SLC39A12: variants seen among roughly 807,000 people sequenced by gnomAD.
SLC39A12 encodes the protein solute carrier family 39 member 12.
A neutral mutation model predicts 71.1 loss-of-function variants in SLC39A12; 63 were observed. That is an observed-to-expected ratio of 0.89 (90% confidence interval 0.72 to 1.09). The LOEUF (loss-of-function observed/expected upper bound fraction) is 1.09. Ranked by LOEUF, SLC39A12 falls within the 50% of genes least tolerant of loss-of-function variation. The probability of loss-of-function intolerance (pLI) is 0.00; values close to 1 mark genes in which losing one functional copy is unlikely to be tolerated. For missense variants in SLC39A12, 892 were observed against 812.6 expected, an observed-to-expected ratio of 1.10 and a Z score of -1.19; for synonymous variants, 351 against 301.3, an observed-to-expected ratio of 1.16 and a Z score of -1.71.
intron 9 of SLC39A12, 116 bp from the exon 10 acceptor site, chr10:17,995,540 C>A: frequency 1.2e-6 from 1 of 845,754 alleles, no homozygotes; most frequent in Non-Finnish European, 1.9e-6. Flanking sequence ...TTCTAATATA[C>A]ATCTAGAGTA....
In SLC39A12 at chr10:18,037,534, G is replaced by A. The variant is rs563585920; in HGVS notation, c.1948-5171G>A. 3.9e-5 allele frequency among the ~76,000 whole-genome samples: 6 copies of A among 152,266 alleles called. No homozygotes were observed. In the South Asian group the frequency reaches 1.2e-3, roughly 32 times the overall value. ...GTGGGTGAGCTGTTATCCTCTCTGA[G>A]CTAATGTTTCTTCAAAACTGAAAGG... On this transcript the variant is annotated intron_variant, in intron 12 of 12. Transcript: ENST00000377369.
intron 4 of SLC39A12, among the ~76,000 whole-genome samples, chr10:17,975,765 T>C (rs1835092889): frequency 6.6e-6 from 1 of 152,186 alleles, no homozygotes; most frequent in African/African-American, 2.4e-5. Context: ...CCTTGTGGCC[T>C]AGACTGCCTT....
Position 17,953,307 on chromosome 10 carries a change from T to A in SLC39A12, c.31T>A (p.Trp11Arg), listed in dbSNP as rs782289611. The A allele has an allele frequency of 6.2e-7, 1 of 1,614,078 alleles. No homozygotes were observed. The change falls in exon 2 of 13, where the codon TGG becomes AGG. Residue 11 changes from tryptophan (W) to arginine (R), a missense_variant. Trp to Arg is a moderately radical substitution (Grantham distance 101). Coordinates refer to ENST00000377369, the MANE Select transcript of SLC39A12 (RefSeq NM_001145195.2). MCFRTKLSVS[W>R]VPLFLLLSRV... Reference sequence around the variant, plus strand: ...CTTCCGGACAAAGCTCTCAGTATCCTGGGTGCCATTGTTTCTTCTACTCAG... The same window carrying A: ...CTTCCGGACAAAGCTCTCAGTATCCAGGGTGCCATTGTTTCTTCTACTCAG...
chr10:18,033,918 C>T (rs1836924177), intron 12 of SLC39A12, among the ~76,000 whole-genome samples: 1 of 151,522 alleles, frequency 6.6e-6, no homozygotes, highest in Admixed American at 6.6e-5. Context: ...ACCCAGTAGT[C>T]ATTCAGGAGC....
rs952719746 is a variant in SLC39A12, at chr10:18,033,436, G to A, written c.1948-9269G>A. Among the ~76,000 whole-genome samples the A allele has an allele frequency of 9.7e-3, 1,464 of 151,342 alleles. 20 individuals are homozygous for A. The highest frequency in any genetic ancestry group is 0.014 in the Middle Eastern group (4 of 290). ...CTTCTAGATTTTCTAGTTTATTTGC[G>A]TAGAGGTGTTTGTAGTATCCTCTGA... On this transcript the variant is annotated intron_variant, in intron 12 of 12. Coordinates refer to ENST00000377369, the MANE Select transcript of SLC39A12 (RefSeq NM_001145195.2).
At chr10:18,040,748 G>A (rs375059108) in intron 12 of SLC39A12, among the ~76,000 whole-genome samples, 3 of 137,684 alleles carry the variant, frequency 2.2e-5, no homozygotes, top group East Asian at 2.2e-4. Flanking sequence ...CAGCCTAGGC[G>A]ATAAGAGTGA....
At chr10:17,988,321 A>G (rs1488206558) in intron 7 of SLC39A12, among the ~76,000 whole-genome samples, 4 of 152,104 alleles carry the variant, frequency 2.6e-5, no homozygotes, top group Non-Finnish European at 5.9e-5. Flanking sequence ...AAAAGTTGTC[A>G]TTCAGTTAGT....
At chr10:18,031,484 T>G (rs1836846608) in intron 12 of SLC39A12, among the ~76,000 whole-genome samples, 1 of 125,530 alleles carries the variant, frequency 8.0e-6, no homozygotes, top group Non-Finnish European at 1.7e-5. Context: ...CGCCCACTTT[T>G]TGATGGGGTT....
At chr10:17,970,608 A>C (rs1474543961) in intron 4 of SLC39A12, among the ~76,000 whole-genome samples, 1 of 151,536 alleles carries the variant, frequency 6.6e-6, no homozygotes, top group Non-Finnish European at 1.5e-5. Context: ...TAGAAATGCT[A>C]CCGATTTTTG....
At chr10:18,005,276 G>T (rs1331684261) in intron 12 of SLC39A12, 1 of 152,078 alleles carries the variant, frequency 6.6e-6, no homozygotes, top group African/African-American at 2.4e-5. Flanking sequence ...CCCAACCTGA[G>T]GTCAATGTTA....
At chr10:18,039,872 A>G (rs1253459164) in intron 12 of SLC39A12, among the ~76,000 whole-genome samples, 1 of 152,200 alleles carries the variant, frequency 6.6e-6, no homozygotes, top group African/African-American at 2.4e-5. Flanking sequence ...TGCCATGTCC[A>G]CTGTGGATTT....
chr10:18,029,064 A>T (rs1457981844), intron 12 of SLC39A12, among the ~76,000 whole-genome samples: 5 of 145,146 alleles, frequency 3.4e-5, no homozygotes, highest in Non-Finnish European at 7.5e-5. Flanking sequence ...GTAGAGGTGG[A>T]GTTTCACCAT....
Position 17,993,112 on chromosome 10 carries a change from G to A in SLC39A12, c.1423-69G>A, listed in dbSNP as rs1417466973. 79 of 1,101,798 alleles carry A rather than the reference G, an allele frequency of 7.2e-5. No individual in the cohort carries two copies. In the East Asian group the frequency reaches 9.8e-4, roughly 14 times the overall value. 68.3% of individuals were successfully genotyped at this position (1,101,798 alleles called of 1,614,324 possible). On this transcript the variant is annotated intron_variant, in intron 8 of 12. Transcript: ENST00000377369. ...GGCCAATAGGCAATGGAATGGAACC[G>A]TGGCATTGACAAAGACTACACCTGT...
chr10:17,991,400 T>G (rs977823066), intron 8 of SLC39A12, 97 bp downstream of exon 8: 1 of 979,226 alleles, frequency 1.0e-6, no homozygotes, highest in East Asian at 2.7e-5. Context: ...TGAAGTTGCC[T>G]GTGTAAGGGA....
Position 18,002,968 on chromosome 10 carries a change from T to C in SLC39A12, c.1760-203T>C. 5.8e-6 allele frequency: 3 copies of C among 515,198 alleles called. No homozygotes were observed. In the South Asian group the frequency reaches 9.0e-5, roughly 16 times the overall value. The allele number at this position is 515,198 out of a possible 1,614,324, so 31.9% of individuals were successfully genotyped here. A position where few individuals can be genotyped will look rare whatever the true frequency, so the allele number is the denominator to read the frequency against. On this transcript the variant is annotated intron_variant, in intron 11 of 12. Transcript: ENST00000377369. The stretch of plus-strand genomic sequence containing the variant: ...AGGAGCAGCCAAAGGAATGGAACTC[T>C]TGAAATGCAACTTCCTAATAGTACG...
chr10:17,970,364 G>T (rs1395199232), intron 4 of SLC39A12, among the ~76,000 whole-genome samples: 1 of 152,012 alleles, frequency 6.6e-6, no homozygotes, highest in Admixed American at 6.6e-5. Context: ...TGAATCAGTA[G>T]ATTACTTTGG....
chr10:18,036,720 G>T (rs868298309), intron 12 of SLC39A12, among the ~76,000 whole-genome samples: 1 of 138,486 alleles, frequency 7.2e-6, no homozygotes, highest in Non-Finnish European at 1.5e-5. Flanking sequence ...TATATCATTG[G>T]CATCTTGCAG....
At chr10:18,034,903 A>T (rs201940254) in intron 12 of SLC39A12, among the ~76,000 whole-genome samples, 1 of 151,800 alleles carries the variant, frequency 6.6e-6, no homozygotes, top group African/African-American at 2.4e-5. Flanking sequence ...TCCTTCACTT[A>T]TGAAGCTTAA....
intron 12 of SLC39A12, among the ~76,000 whole-genome samples, chr10:18,030,058 T>A (rs1484036449): frequency 6.6e-6 from 1 of 150,742 alleles, no homozygotes; most frequent in Non-Finnish European, 1.5e-5. Context: ...TCCATAATCA[T>A]ACTAAAAAGA....
Sources: gnomAD v4.1 joint callset for allele counts (sites outside exome capture counted in the v4.1 genomes callset) on GRCh38, gnomAD v4.1.1 for gene constraint, MANE v1.5 for transcripts, NCBI Gene and HGNC (gene_info 2026-07-23, HGNC 2026-07-21) for gene names.